The following PTPN11 variants were observed in gnomAD, a reference collection of about 807,000 sequenced individuals.
PTPN11 encodes the protein protein tyrosine phosphatase non-receptor type 11.
Under a neutral mutation model 78.8 loss-of-function variants are expected in PTPN11, and 6 were observed. The observed-to-expected ratio is 0.08, with a 90% CI of 0.04 to 0.15. PTPN11 has a LOEUF of 0.15. PTPN11 is among the 10% of genes least tolerant of loss of function. The probability of loss-of-function intolerance (pLI) is 1.00; values close to 1 mark genes in which losing one functional copy is unlikely to be tolerated. For synonymous variants in PTPN11, 221 were observed against 263.5 expected (o/e 0.84, Z 1.56); for missense variants, 386 against 744.8 (o/e 0.52, Z 5.61).
intron 9 of PTPN11, among the ~76,000 whole-genome samples, chr12:112,480,393 A>G: frequency 8.1e-6 from 1 of 124,092 alleles, no homozygotes; most frequent in East Asian, 2.4e-4. Context: ...TTGGGACTGT[A>G]TCTTGCTCTG....
intron 6 of PTPN11, among the ~76,000 whole-genome samples, chr12:112,457,800 A>G (rs572968680): frequency 1.1e-4 from 17 of 152,176 alleles, no homozygotes; most frequent in African/African-American, 3.9e-4. Context: ...CCCATTGACA[A>G]TGTGATCTCT....
intron 1 of PTPN11, among the ~76,000 whole-genome samples, chr12:112,434,570 T>C (rs1260361342): frequency 6.7e-6 from 1 of 150,092 alleles, no homozygotes; most frequent in African/African-American, 2.5e-5. Context: ...ATCACGCCAC[T>C]GCATTCCAGC....
chr12:112,446,133 A>C, intron 1 of PTPN11, 143 bp from the exon 2 acceptor site: 1 of 1,005,114 alleles, frequency 9.9e-7, no homozygotes, highest in Non-Finnish European at 1.5e-6. Context: ...CAAGGAGAAG[A>C]GGGGGAAGGG....
At chr12:112,454,511 CTA>C in intron 4 of PTPN11, 51 bp from the exon 5 acceptor site, 2 of 1,335,094 alleles carry the variant, frequency 1.5e-6, no homozygotes, top group Non-Finnish European at 2.2e-6. Context: ...CTTGAAAACA[CTA>C]ATGTAACATA....
At position 112,419,107 on chromosome 12, in the gene PTPN11, G is replaced by C. The variant is rs943428441; in HGVS notation, c.-5G>C. On this transcript the variant is annotated 5_prime_UTR_variant, in exon 1 of 16. Transcript: ENST00000351677. ...TCCGTCGCGGAGCCGGAGGGCGGGA[G>C]GAACATGACATCGCGGAGGTGAGGA... 10 of 1,529,628 alleles carry C rather than the reference G, an allele frequency of 6.5e-6. No homozygotes were observed. The highest frequency in any genetic ancestry group is 8.8e-6 in the Non-Finnish European group (10 of 1,140,762). The allele number at this position is 1,529,628 out of a possible 1,614,324, so 94.8% of individuals were successfully genotyped here.
chr12:112,491,271 T>TG (rs1177873191), intron 13 of PTPN11, among the ~76,000 whole-genome samples: 4 of 142,310 alleles, frequency 2.8e-5, no homozygotes, highest in East Asian at 6.5e-4. Flanking sequence ...ACTACAGTAG[T>TG]GAAAAAAAAA....
chr12:112,482,215 T>C lies in PTPN11; in HGVS notation c.1224+10T>C, dbSNP rs1344668850. ...TTCAAAGGTTGGACAAGTAAGTATA[T>C]TGTCGTATTCTAGAGACTTTGGGAA... On this transcript the variant is annotated intron_variant, in intron 10 of 15. Transcript: ENST00000351677. The surrounding 1 kb of genome is among the most constrained non-coding windows in gnomAD (Gnocchi z 4.4). 3.7e-6 allele frequency: 6 copies of C among 1,612,000 alleles called. No homozygotes were observed. Among genetic ancestry groups the C allele is most frequent in the Non-Finnish European group, 5.1e-6 (6 of 1,178,478 alleles).
intron 3 of PTPN11, 62 bp from the exon 4 acceptor site, chr12:112,453,133 G>T: frequency 7.0e-7 from 1 of 1,424,364 alleles, no homozygotes; most frequent in Admixed American, 1.7e-5. Context: ...CAGTAGTTTT[G>T]TGAAAGAACA....
rs1291902170 is a variant in PTPN11 at position 112,504,635 on chromosome 12, T to G, written c.1713-60T>G. ...TAGTATGTGTTTTATAGATATCATG[T>G]AAGCTTAAACAGCGTGGTCTACATT... is the stretch of plus-strand genomic sequence containing the variant. On this transcript the variant is annotated intron_variant, in intron 14 of 15. Coordinates refer to ENST00000351677, the MANE Select transcript of PTPN11 (RefSeq NM_002834.5). The surrounding 1 kb of genome is among the most constrained non-coding windows in gnomAD (Gnocchi z 4.7). 1 of 1,259,668 alleles carries G rather than the reference T, an allele frequency of 7.9e-7. No individual in the cohort carries two copies. Among genetic ancestry groups the G allele is most frequent in the East Asian group, 2.5e-5 (1 of 40,810 alleles). The allele number at this position is 1,259,668 out of a possible 1,614,324, so 78.0% of individuals were successfully genotyped here.
At chr12:112,447,013 G>GT (rs930222118) in intron 2 of PTPN11, among the ~76,000 whole-genome samples, 2 of 152,042 alleles carry the variant, frequency 1.3e-5, no homozygotes, top group African/African-American at 4.8e-5. Context: ...CTCCAGGCTT[G>GT]TGCCACCATG....
At chr12:112,487,106 G>T (rs1160271246) in intron 11 of PTPN11, among the ~76,000 whole-genome samples, 2 of 150,070 alleles carry the variant, frequency 1.3e-5, no homozygotes, top group Non-Finnish European at 3.0e-5. Context: ...CTCTTTGATT[G>T]TGATTCTGTT....
At chr12:112,474,407 G>A (rs907167807) in intron 7 of PTPN11, among the ~76,000 whole-genome samples, 13 of 151,596 alleles carry the variant, frequency 8.6e-5, no homozygotes, top group African/African-American at 1.5e-4. Context: ...TTTCTAGGGC[G>A]GGGTCTCCCT....
At position 112,454,818 on chromosome 12, in the gene PTPN11, C is replaced by CTTT. The variant is rs753974743; in HGVS notation, c.642+157_642+159dup. The CTTT allele has an allele frequency of 5.0e-4, 235 of 474,378 alleles. 1 individual carries two copies. Among genetic ancestry groups the CTTT allele is most frequent in the South Asian group, 1.0e-3 (57 of 54,970 alleles). The allele number at this position is 474,378 out of a possible 1,614,324, so 29.4% of individuals were successfully genotyped here. A position where few individuals can be genotyped will look rare whatever the true frequency, so the allele number is the denominator to read the frequency against. Reference sequence around the variant, plus strand: ...CCCATTGCAGCTTCAACTATCAAATCTTTTTTTTTTTTTTTTTTTTTGAGA... The same window carrying CTTT: ...CCCATTGCAGCTTCAACTATCAAATCTTTTTTTTTTTTTTTTTTTTTTTTGAGA... On this transcript the variant is annotated intron_variant, in intron 5 of 15. Coordinates refer to ENST00000351677, the MANE Select transcript of PTPN11 (RefSeq NM_002834.5).
At chr12:112,419,149 C>T in intron 1 of PTPN11, 24 bp downstream of exon 1, 1 of 1,502,256 alleles carries the variant, frequency 6.7e-7, no homozygotes, top group African/African-American at 1.5e-5. Flanking sequence ...AGGGGCCCGG[C>T]GCGGGCCTCG....
chr12:112,445,214 C>T (rs543115606), intron 1 of PTPN11, among the ~76,000 whole-genome samples: 2 of 152,164 alleles, frequency 1.3e-5, no homozygotes, highest in Non-Finnish European at 2.9e-5. Context: ...TCACTGCAAC[C>T]TCTGCCTCCT....
chr12:112,440,130 A>G (rs907453239), intron 1 of PTPN11, among the ~76,000 whole-genome samples: 9 of 152,208 alleles, frequency 5.9e-5, no homozygotes, highest in African/African-American at 2.2e-4. Flanking sequence ...ATCTGGAACC[A>G]CAGATGAAAG....
Position 112,482,142 on chromosome 12 carries a change from C to T in PTPN11, c.1161C>T (p.Asn387=), listed in dbSNP as rs727505180. Reference sequence around the variant, plus strand: ...AATATGGCGTCATGCGTGTTAGGAACGTCAAAGAAAGCGCCGCTCATGACT... The same window carrying T: ...AATATGGCGTCATGCGTGTTAGGAATGTCAAAGAAAGCGCCGCTCATGACT... ...LKEYGVMRVR[N]VKESAAHDYT... is the part of the protein sequence containing the mutation. The change falls in exon 10 of 16, where the codon AAC becomes AAT. Residue 387 remains asparagine, a synonymous_variant. Coordinates refer to ENST00000351677, the MANE Select transcript of PTPN11 (RefSeq NM_002834.5). The surrounding 1 kb of genome is among the most constrained non-coding windows in gnomAD (Gnocchi z 4.4). 22 of 1,610,548 alleles carry T rather than the reference C, an allele frequency of 1.4e-5. No homozygotes were observed. Among genetic ancestry groups the T allele is most frequent in the Admixed American group, 5.0e-5 (3 of 59,986 alleles).
chr12:112,488,276 C>A (rs1162383436), intron 11 of PTPN11, among the ~76,000 whole-genome samples, 167 bp from the exon 12 acceptor site: 1 of 152,094 alleles, frequency 6.6e-6, no homozygotes, highest in African/African-American at 2.4e-5. Flanking sequence ...TGGGCTGACT[C>A]CAAAGCCCTA....
chr12:112,458,292 C>T (rs2038194513), intron 6 of PTPN11, among the ~76,000 whole-genome samples: 1 of 152,212 alleles, frequency 6.6e-6, no homozygotes, highest in African/African-American at 2.4e-5. Context: ...CTCACTGCAG[C>T]GTCCAACTTC....
Sources: gnomAD v4.1 joint callset for allele counts (sites outside exome capture counted in the v4.1 genomes callset) on GRCh38, gnomAD v4.1.1 for gene constraint, Gnocchi (gnomAD v3.1) non-coding constraint, MANE v1.5 for transcripts, NCBI Gene and HGNC (gene_info 2026-07-23, HGNC 2026-07-21) for gene names.